The following IL20RB variants were observed in gnomAD, a reference collection of about 807,000 sequenced individuals.
The protein encoded by IL20RB is interleukin 20 receptor subunit beta.
Under a neutral mutation model 33.3 loss-of-function variants are expected in IL20RB, and 21 were observed. The observed-to-expected ratio is 0.63, with a 90% CI of 0.45 to 0.91. IL20RB has a LOEUF of 0.91. Among genes scored for constraint, IL20RB ranks in the 40% least tolerant of loss-of-function variants. IL20RB has a pLI of 0.00. For synonymous variants in IL20RB, 147 were observed against 146.8 expected (o/e 1.00, Z -0.01); for missense variants, 345 against 384.8 (o/e 0.90, Z 0.86).
At chr3:136,982,468 T>C (rs1005776192) in intron 3 of IL20RB, 118 bp downstream of exon 3, 4 of 702,794 alleles carry the variant, frequency 5.7e-6, no homozygotes, top group Non-Finnish European at 9.0e-6. Context: ...GCCAGAGTAT[T>C]GTGAACACAA....
intron 6 of IL20RB, among the ~76,000 whole-genome samples, chr3:136,998,570 T>A (rs1048292554): frequency 4.6e-5 from 7 of 151,904 alleles, no homozygotes; most frequent in African/African-American, 1.4e-4. Context: ...ATTTTTTTTA[T>A]CTGAAAATGT....
At chr3:136,963,740 T>C (rs1941297495) in intron 1 of IL20RB, among the ~76,000 whole-genome samples, 1 of 129,768 alleles carries the variant, frequency 7.7e-6, no homozygotes, top group Admixed American at 7.8e-5. Context: ...ATGTGCACAT[T>C]GTGCAGGTTA....
At chr3:136,974,061 G>T (rs751261088) in intron 1 of IL20RB, among the ~76,000 whole-genome samples, 3 of 151,796 alleles carry the variant, frequency 2.0e-5, no homozygotes, top group Non-Finnish European at 2.9e-5. Flanking sequence ...TATATTCAAG[G>T]TTATTAATAT....
chr3:136,981,800 G>A (rs927771152), intron 2 of IL20RB, among the ~76,000 whole-genome samples: 2 of 152,218 alleles, frequency 1.3e-5, no homozygotes, highest in African/African-American at 4.8e-5. Flanking sequence ...CCATTAAGGA[G>A]AGAAACGTCA....
chr3:137,006,600 C>T (rs1016560413), intron 6 of IL20RB, among the ~76,000 whole-genome samples: 7 of 152,134 alleles, frequency 4.6e-5, no homozygotes, highest in Non-Finnish European at 1.0e-4. Flanking sequence ...AGTTCTCGTG[C>T]CATGGTTTTC....
intron 6 of IL20RB, among the ~76,000 whole-genome samples, chr3:137,003,647 A>C (rs374069136): frequency 3.9e-5 from 6 of 152,238 alleles, no homozygotes; most frequent in African/African-American, 9.6e-5. Context: ...AGTTGCTTAT[A>C]AGCTTAAGGA....
chr3:136,988,101 G>A (rs1051898342), intron 3 of IL20RB, among the ~76,000 whole-genome samples: 2 of 152,214 alleles, frequency 1.3e-5, no homozygotes, highest in African/African-American at 2.4e-5. Flanking sequence ...CAGAGGACGC[G>A]CCCAGAGTGA....
At chr3:136,970,323 G>T (rs1941440539) in intron 1 of IL20RB, among the ~76,000 whole-genome samples, 1 of 152,004 alleles carries the variant, frequency 6.6e-6, no homozygotes, top group Admixed American at 6.6e-5. Flanking sequence ...TCGAACTCCT[G>T]AGCTCAAGTG....
intron 1 of IL20RB, among the ~76,000 whole-genome samples, chr3:136,964,499 G>A (rs1941318421): frequency 1.9e-5 from 1 of 53,012 alleles, no homozygotes; most frequent in African/African-American, 8.9e-5. Flanking sequence ...CTTCTTTTGA[G>A]AAGTGTCTGT....
intron 6 of IL20RB, among the ~76,000 whole-genome samples, chr3:137,007,427 G>A (rs1240851768): frequency 6.6e-6 from 1 of 152,212 alleles, no homozygotes; most frequent in South Asian, 2.1e-4. Context: ...GCATTGTTGA[G>A]CTGTGGTGGG....
intron 6 of IL20RB, among the ~76,000 whole-genome samples, chr3:137,007,947 AGC>A (rs2107726761): frequency 1.3e-5 from 2 of 152,176 alleles, no homozygotes; most frequent in Non-Finnish European, 2.9e-5. Flanking sequence ...AAAAATCTAA[AGC>A]AAAACTATAT....
At chr3:136,994,095 A>G (rs566599521) in intron 5 of IL20RB, among the ~76,000 whole-genome samples, 1 of 152,248 alleles carries the variant, frequency 6.6e-6, no homozygotes, top group South Asian at 2.1e-4. Context: ...TGACTTATGT[A>G]TATAGTTGTT....
Position 136,958,181 on chromosome 3 carries a change from T to C in IL20RB, c.68T>C (p.Leu23Ser), listed in dbSNP as rs1407521453. The change falls in exon 1 of 7, where the codon TTG (leucine) becomes TCG (serine). Residue 23 changes from leucine (L) to serine (S), a missense_variant. By Grantham distance (145) the Leu-to-Ser change is moderately radical (BLOSUM62 -2). Coordinates refer to ENST00000329582, the MANE Select transcript of IL20RB (RefSeq NM_144717.4). ...CTTTTCATGTGGTTTTTCTACGCAT[T>C]GATTCCATGTTTGCTCACAGGTAAG... ...TSLFMWFFYA[L>S]IPCLLTDEVA... The C allele has an allele frequency of 6.2e-7, 1 of 1,607,346 alleles. No individual in the cohort carries two copies. Among genetic ancestry groups the C allele is most frequent in the Admixed American group, 1.7e-5 (1 of 60,016 alleles).
intron 6 of IL20RB, among the ~76,000 whole-genome samples, chr3:137,008,997 T>G (rs1224311762): frequency 3.9e-5 from 6 of 152,218 alleles, no homozygotes; most frequent in Non-Finnish European, 4.4e-5. Flanking sequence ...AGAATCTGAC[T>G]GCACCAGCAG....
intron 6 of IL20RB, among the ~76,000 whole-genome samples, chr3:137,003,011 A>G (rs1276679904): frequency 6.6e-6 from 1 of 152,180 alleles, no homozygotes; most frequent in Non-Finnish European, 1.5e-5. Flanking sequence ...TCCCAGCACC[A>G]TTTATTAAAT....
At position 136,983,836 on chromosome 3, in the gene IL20RB, G is replaced by A. The variant is rs113059370; in HGVS notation, c.406+1486G>A. Reference sequence around the variant, plus strand: ...TACATAACACAAAGTGGTTTTGTTTGTTTGTTTGTTTTGTTTTTGAGGTGG... The same window carrying A: ...TACATAACACAAAGTGGTTTTGTTTATTTGTTTGTTTTGTTTTTGAGGTGG... On this transcript the variant is annotated intron_variant, in intron 3 of 6. Transcript: ENST00000329582. 9.8e-4 allele frequency among the ~76,000 whole-genome samples: 149 copies of A among 152,230 alleles called. 1 individual carries two copies. The highest frequency in any genetic ancestry group is 1.2e-3 in the Admixed American group (18 of 15,278).
rs751542209 is a variant in IL20RB, at chr3:136,978,368, G to A, written c.89-2098G>A. Among the ~76,000 whole-genome samples, 5 of 152,100 alleles carry A rather than the reference G, an allele frequency of 3.3e-5. No individual in the cohort carries two copies. The Middle Eastern group carries it at 0.01, about 310-fold the overall frequency. On this transcript the variant is annotated intron_variant, in intron 1 of 6. Coordinates refer to ENST00000329582, the MANE Select transcript of IL20RB (RefSeq NM_144717.4). ...TTTAGTAGAGACTGGGTTTCACCAT[G>A]TTGGTCAGGCTGGTCTCGAACTCCT...
intron 1 of IL20RB, among the ~76,000 whole-genome samples, chr3:136,963,941 G>C (rs1462545318): frequency 1.6e-5 from 1 of 63,584 alleles, no homozygotes; most frequent in Non-Finnish European, 3.0e-5. Flanking sequence ...AGAATATGCG[G>C]TGTTTGGTTT....
chr3:136,999,037 C>T (rs918453460), intron 6 of IL20RB, among the ~76,000 whole-genome samples: 3 of 152,020 alleles, frequency 2.0e-5, no homozygotes, highest in Non-Finnish European at 4.4e-5. Flanking sequence ...TACTGAGCTT[C>T]TTGAATCTGT....
Sources: allele counts gnomAD v4.1 joint callset (sites outside exome capture counted in the v4.1 genomes callset), GRCh38; gene constraint gnomAD v4.1.1; transcripts MANE v1.5; gene names NCBI Gene and HGNC (gene_info 2026-07-23, HGNC 2026-07-21).